Variants in KIAA1143 observed in about 807,000 individuals in gnomAD.
KIAA1143 encodes the protein uncharacterized protein KIAA1143.
A neutral mutation model predicts 17.0 loss-of-function variants in KIAA1143; 8 were observed. That is an observed-to-expected ratio of 0.47 (90% CI 0.28 to 0.85). KIAA1143 has a LOEUF of 0.85. Among genes scored for constraint, KIAA1143 ranks in the 40% least tolerant of loss-of-function variants. The pLI is 0.12. For synonymous variants in KIAA1143, 64 were observed against 67.8 expected, an observed-to-expected ratio of 0.94 and a Z score of 0.27; for missense variants, 162 against 183.3, an observed-to-expected ratio of 0.88 and a Z score of 0.67.
At chr3:44,761,304 C>T (rs950041051) in intron 1 of KIAA1143, among the ~76,000 whole-genome samples, 191 bp downstream of exon 1, 4 of 152,210 alleles carry the variant, frequency 2.6e-5, no homozygotes, top group African/African-American at 9.7e-5. Flanking sequence ...CTGAAAACTA[C>T]AGAGCTTCCT....
In KIAA1143 at chr3:44,754,368, T is replaced by G. The variant is rs1187052039; in HGVS notation, c.109A>C (p.Arg37=). The G allele has an allele frequency of 6.2e-7, 1 of 1,613,784 alleles. No homozygotes were observed. Among genetic ancestry groups the G allele is most frequent in the South Asian group, 1.1e-5 (1 of 91,064 alleles). ...YREGPTVETK[R]IQPQPPDEDG... is the part of the protein sequence containing the mutation. Reference sequence around the variant, plus strand: ...TCATCTGGGGGCTGAGGCTGAATTCTCTAGGGAAAAACACAAATACAATGT... The same window carrying G: ...TCATCTGGGGGCTGAGGCTGAATTCGCTAGGGAAAAACACAAATACAATGT... Residue 37 remains arginine, a splice_region_variant and synonymous_variant, in exon 2 of 3, where the codon AGA becomes CGA. Transcript: ENST00000296121.
intron 1 of KIAA1143, among the ~76,000 whole-genome samples, chr3:44,756,000 C>T (rs369165235): frequency 5.3e-5 from 8 of 152,316 alleles, no homozygotes; most frequent in African/African-American, 1.9e-4. Context: ...TATGTTAGTT[C>T]ACTGATTATT....
chr3:44,752,431 AAC>A lies in KIAA1143; in HGVS notation c.*908_*909del, dbSNP rs1207067770. 3 of 152,076 alleles carry A rather than the reference AAC, an allele frequency of 2.0e-5. No individual in the cohort carries two copies. Among genetic ancestry groups the A allele is most frequent in the Non-Finnish European group, 4.4e-5 (3 of 68,026 alleles). 9.4% of individuals were successfully genotyped at this position (152,076 alleles called of 1,614,324 possible). On this transcript the variant is annotated 3_prime_UTR_variant, in exon 3 of 3. Transcript: ENST00000296121. The stretch of plus-strand genomic sequence containing the variant: ...AAGAACCTGGACACCCTCCACCAGT[AAC>A]AGTTTGACCAGTTATTTATTGTATT...
At chr3:44,757,459 G>A (rs1704991418) in intron 1 of KIAA1143, among the ~76,000 whole-genome samples, 1 of 152,150 alleles carries the variant, frequency 6.6e-6, no homozygotes, top group Non-Finnish European at 1.5e-5. Flanking sequence ...CCATGCTCGA[G>A]AGTCTATCTA....
Position 44,753,500 on chromosome 3 carries a change from C to T in KIAA1143, c.306G>A (p.Lys102=), listed in dbSNP as rs145369109. 1.1e-5 allele frequency: 18 copies of T among 1,612,418 alleles called. No homozygotes were observed. In the East Asian group the frequency reaches 4.0e-4, roughly 36 times the overall value. ...DGRIIYRKPV[K]HPSDEKYSGL... ...CTGAATATTTTTCATCTGAGGGATG[C>T]TTGACTGGTTTTCGATATATGATTC... The change falls in exon 3 of 3, where the codon AAG becomes AAA. Residue 102 remains lysine, a synonymous_variant. Transcript: ENST00000296121.
chr3:44,757,196 C>T (rs748905181), intron 1 of KIAA1143, among the ~76,000 whole-genome samples: 4 of 152,184 alleles, frequency 2.6e-5, no homozygotes, highest in Non-Finnish European at 5.9e-5. Flanking sequence ...TGGGTCTCAT[C>T]TTCTCCTCAT....
intron 1 of KIAA1143, among the ~76,000 whole-genome samples, chr3:44,758,315 A>T (rs1309472153): frequency 6.6e-6 from 1 of 152,080 alleles, no homozygotes; most frequent in Non-Finnish European, 1.5e-5. Flanking sequence ...TCCTTTCACA[A>T]AAGATTTCTC....
At position 44,749,709 on chromosome 3, in the gene KIAA1143, A is replaced by C. The variant is rs868598178; in HGVS notation, c.*3632T>G. The C allele has an allele frequency of 6.6e-6, 1 of 152,238 alleles. No individual in the cohort carries two copies. Among genetic ancestry groups the C allele is most frequent in the African/African-American group, 2.4e-5 (1 of 41,458 alleles). 9.4% of individuals were successfully genotyped at this position (152,238 alleles called of 1,614,324 possible). On this transcript the variant is annotated 3_prime_UTR_variant, in exon 3 of 3. Coordinates refer to ENST00000296121, the MANE Select transcript of KIAA1143 (RefSeq NM_020696.4). ...ATTATTTGAGAAAAAAGTATACTCTAATAAATTCCAGATAGAATAAAGGTT... is the reference window on the plus strand; with the variant it reads ...ATTATTTGAGAAAAAAGTATACTCTCATAAATTCCAGATAGAATAAAGGTT...
At chr3:44,754,203 C>A in intron 2 of KIAA1143, 21 bp downstream of exon 2, 5 of 1,609,828 alleles carry the variant, frequency 3.1e-6, no homozygotes, top group Non-Finnish European at 4.2e-6. Flanking sequence ...GTTAGAAAAA[C>A]CAGATTACTT....
Position 44,751,056 on chromosome 3 carries a change from G to A in KIAA1143, c.*2285C>T, listed in dbSNP as rs1704885667. On this transcript the variant is annotated 3_prime_UTR_variant, in exon 3 of 3. Coordinates refer to ENST00000296121, the MANE Select transcript of KIAA1143 (RefSeq NM_020696.4). ...TCAGGACTTTGACTGAAATGGCCTT[G>A]TGAAATGTTCTAGCAAAGCCAATCT... The A allele has an allele frequency of 6.7e-6, 1 of 150,272 alleles. No individual in the cohort carries two copies. Among genetic ancestry groups the A allele is most frequent in the Non-Finnish European group, 1.5e-5 (1 of 67,664 alleles). 9.3% of individuals were successfully genotyped at this position (150,272 alleles called of 1,614,324 possible).
chr3:44,755,587 C>A (rs1704957318), intron 1 of KIAA1143, among the ~76,000 whole-genome samples: 1 of 152,174 alleles, frequency 6.6e-6, no homozygotes, highest in Admixed American at 6.5e-5. Context: ...TCCTTTGCTT[C>A]CCCTGTCTCT....
intron 1 of KIAA1143, among the ~76,000 whole-genome samples, chr3:44,757,834 T>C (rs925860089): frequency 8.5e-5 from 13 of 152,174 alleles, no homozygotes; most frequent in Non-Finnish European, 1.9e-4. Context: ...CGACAGTGCA[T>C]GGGGTTAGCA....
chr3:44,753,199 A>G lies in KIAA1143; in HGVS notation c.*142T>C. On this transcript the variant is annotated 3_prime_UTR_variant, in exon 3 of 3. Transcript: ENST00000296121. ...TTTTAAGTCAGAGGGGTATTGATGA[A>G]TAGATGTAGTTTATTAAATTTTTTT... 1 of 566,870 alleles carries G rather than the reference A, an allele frequency of 1.8e-6. No individual in the cohort carries two copies. The highest frequency in any genetic ancestry group is 3.1e-6 in the Non-Finnish European group (1 of 323,018). 35.1% of individuals were successfully genotyped at this position (566,870 alleles called of 1,614,324 possible).
At chr3:44,756,707 T>G (rs1704978585) in intron 1 of KIAA1143, among the ~76,000 whole-genome samples, 1 of 152,218 alleles carries the variant, frequency 6.6e-6, no homozygotes, top group South Asian at 2.1e-4. Flanking sequence ...ACAATTTCAG[T>G]TACCTGTGGT....
In KIAA1143 at chr3:44,754,212, T is replaced by G. The variant is rs748224280; in HGVS notation, c.253+12A>C. 3.7e-5 allele frequency: 59 copies of G among 1,611,886 alleles called. No individual in the cohort carries two copies. Among genetic ancestry groups the G allele is most frequent in the Non-Finnish European group, 4.7e-5 (56 of 1,179,636 alleles). On this transcript the variant is annotated intron_variant, in intron 2 of 2. Transcript: ENST00000296121. The stretch of plus-strand genomic sequence containing the variant: ...TAAATTGTTAGAAAAACCAGATTAC[T>G]TTTAGACCTACCTGCTTTGGCAGCC...
rs1704862045 is a variant in KIAA1143, at chr3:44,749,302, T to C, written c.*4039A>G. On this transcript the variant is annotated 3_prime_UTR_variant, in exon 3 of 3. Transcript: ENST00000296121. ...TACTTGGGAGGCTGAGGCAAGAGAATGGTGTGAACCCAGGAGGCGGAGCTT... is the reference window on the plus strand; with the variant it reads ...TACTTGGGAGGCTGAGGCAAGAGAACGGTGTGAACCCAGGAGGCGGAGCTT... 2 of 152,132 alleles carry C rather than the reference T, an allele frequency of 1.3e-5. No individual in the cohort carries two copies. The highest frequency in any genetic ancestry group is 6.5e-5 in the Admixed American group (1 of 15,268). 9.4% of individuals were successfully genotyped at this position (152,132 alleles called of 1,614,324 possible).
At chr3:44,758,498 TC>T (rs1156598586) in intron 1 of KIAA1143, among the ~76,000 whole-genome samples, 1 of 152,300 alleles carries the variant, frequency 6.6e-6, no homozygotes, top group Admixed American at 6.5e-5. Context: ...AGATTCCATC[TC>T]AATAAACCAC....
rs527806223 is a variant in KIAA1143 at position 44,759,894 on chromosome 3, C to CA, written c.108+1600dup. On this transcript the variant is annotated intron_variant, in intron 1 of 2. Transcript: ENST00000296121. ...TGGGCGACAGAGTGAGACCCTATCT[C>CA]AAAAAAAAAAAAAAAAAAAAAGTCC... Among the ~76,000 whole-genome samples the CA allele has an allele frequency of 8.0e-3, 407 of 50,926 alleles. 26 individuals are homozygous for CA. Among genetic ancestry groups the CA allele is most frequent in the African/African-American group, 0.015 (221 of 14,386 alleles). 33.4% of individuals were successfully genotyped at this position (50,926 alleles called of 152,430 possible).
intron 1 of KIAA1143, among the ~76,000 whole-genome samples, chr3:44,760,746 C>T (rs952764615): frequency 1.4e-5 from 2 of 141,870 alleles, no homozygotes; most frequent in Admixed American, 7.3e-5. Flanking sequence ...AGTGCAGCTG[C>T]GCCATCTCAA....
Sources: gnomAD v4.1 joint callset for allele counts (sites outside exome capture counted in the v4.1 genomes callset) on GRCh38, gnomAD v4.1.1 for gene constraint, MANE v1.5 for transcripts, NCBI Gene and HGNC (gene_info 2026-07-23, HGNC 2026-07-21) for gene names.